The following TMEM217 variants were observed in gnomAD, a reference collection of about 807,000 sequenced individuals.
TMEM217 encodes transmembrane protein 217.
For synonymous variants in TMEM217, 76 were observed against 88.3 expected, an observed-to-expected ratio of 0.86 and a Z score of 0.78; for missense variants, 204 against 248.8, an observed-to-expected ratio of 0.82 and a Z score of 1.21.
downstream of TMEM217, among the ~76,000 whole-genome samples, chr6:37,214,635 C>G (rs1373051658): frequency 6.6e-6 from 1 of 152,194 alleles, no homozygotes; most frequent in Non-Finnish European, 1.5e-5. Context: ...TTCTTGCTGT[C>G]TCTATGAATT....
At position 37,247,334 on chromosome 6, in the gene TMEM217, G is replaced by C. The variant is rs371146083; in HGVS notation, c.-12+10234C>G. On this transcript the variant is annotated intron_variant, in intron 1 of 1. Coordinates refer to ENST00000357219, the Ensembl canonical transcript of TMEM217. ...GGTGACAGAAACACGAGTGGGGAAA[G>C]AGGTAGAAGTGATATAGGGGAAGGA... is the stretch of plus-strand genomic sequence containing the variant. 2.6e-5 allele frequency among the ~76,000 whole-genome samples: 4 copies of C among 151,908 alleles called. 1 individual carries two copies. The highest frequency in any genetic ancestry group is 2.6e-4 in the Admixed American group (4 of 15,254).
At chr6:37,243,806 T>C (rs1158082890) in intron 1 of TMEM217, among the ~76,000 whole-genome samples, 6 of 152,112 alleles carry the variant, frequency 3.9e-5, no homozygotes, top group African/African-American at 1.4e-4. Context: ...GACTAGGGAA[T>C]GGGTGGTGCT....
intron 1 of TMEM217, among the ~76,000 whole-genome samples, chr6:37,257,194 G>T (rs1389577639): frequency 6.6e-6 from 1 of 152,188 alleles, no homozygotes; most frequent in Non-Finnish European, 1.5e-5. Flanking sequence ...TAGATCATTT[G>T]AATTTTTAAC....
intron 1 of TMEM217, among the ~76,000 whole-genome samples, chr6:37,251,333 C>T (rs1275085826): frequency 6.6e-6 from 1 of 152,068 alleles, no homozygotes; most frequent in African/African-American, 2.4e-5. Context: ...GTTATAGCAG[C>T]CTGAATGGAC....
downstream of TMEM217, among the ~76,000 whole-genome samples, chr6:37,216,422 A>G (rs1051864132): frequency 5.9e-5 from 9 of 152,278 alleles, no homozygotes; most frequent in Admixed American, 1.3e-4. Context: ...TGTGAGGGCC[A>G]TGGGTCAGAA....
chr6:37,252,484 A>T (rs1254089426), intron 1 of TMEM217, among the ~76,000 whole-genome samples: 2 of 151,506 alleles, frequency 1.3e-5, no homozygotes, highest in African/African-American at 2.4e-5. Context: ...TACATAACAT[A>T]CATATACATG....
intron 1 of TMEM217, among the ~76,000 whole-genome samples, chr6:37,234,301 T>C (rs953636774): frequency 6.6e-6 from 1 of 152,156 alleles, no homozygotes; most frequent in Non-Finnish European, 1.5e-5. Context: ...GGTTTCTCCA[T>C]GTTGGCCAGG....
In TMEM217 at chr6:37,230,103, C is replaced by CT. The variant is rs142532646; in HGVS notation, c.-11-11063dup. Among the ~76,000 whole-genome samples the CT allele has an allele frequency of 6.4e-3, 981 of 152,354 alleles. 8 individuals carry two copies. The highest frequency in any genetic ancestry group is 0.021 in the African/African-American group (872 of 41,582). ...GGCTTCCAGAGGCCTCCTTCCAGGC[C>CT]TTGCTCCTGAGCTCTCAGAGCCAGC... On this transcript the variant is annotated intron_variant, in intron 1 of 1. Coordinates refer to ENST00000357219, the Ensembl canonical transcript of TMEM217.
At chr6:37,222,777 G>A (rs900860353) in intron 1 of TMEM217, among the ~76,000 whole-genome samples, 2 of 152,220 alleles carry the variant, frequency 1.3e-5, no homozygotes, top group African/African-American at 2.4e-5. Context: ...TGGTTTGGGC[G>A]GCTGCAGTAG....
exon 1 of TMEM217, chr6:37,257,664 G>T (rs1309082631): frequency 1.7e-5 from 9 of 520,738 alleles, no homozygotes; most frequent in African/African-American, 1.6e-4. Flanking sequence ...AGCCCCTGAC[G>T]TTACCGGTCG....
intron 1 of TMEM217, among the ~76,000 whole-genome samples, chr6:37,256,960 A>G (rs1765781132): frequency 6.6e-6 from 1 of 152,232 alleles, no homozygotes; most frequent in Admixed American, 6.5e-5. Flanking sequence ...TTGAAAATAA[A>G]TTCAAGGGTG....
At chr6:37,248,827 A>G (rs1444035855) in intron 1 of TMEM217, among the ~76,000 whole-genome samples, 1 of 152,232 alleles carries the variant, frequency 6.6e-6, no homozygotes, top group African/African-American at 2.4e-5. Flanking sequence ...GCAACAAATA[A>G]CAACAAACAT....
chr6:37,256,819 C>T (rs1004534831), intron 1 of TMEM217, among the ~76,000 whole-genome samples: 5 of 152,120 alleles, frequency 3.3e-5, no homozygotes, highest in African/African-American at 1.2e-4. Context: ...TGGACTGGTG[C>T]CCGCCTTCCC....
intron 1 of TMEM217, among the ~76,000 whole-genome samples, chr6:37,226,600 A>G (rs1763860033): frequency 6.7e-6 from 1 of 150,068 alleles, no homozygotes; most frequent in African/African-American, 2.5e-5. Flanking sequence ...CCCGGCCGAG[A>G]CAGAGTCTTG....
chr6:37,217,932 A>G (rs1763303584), exon 2 of TMEM217: 1 of 986,216 alleles, frequency 1.0e-6, no homozygotes, highest in Non-Finnish European at 1.2e-6. Flanking sequence ...TTGATAAATC[A>G]CAATATCCTT....
intron 1 of TMEM217, among the ~76,000 whole-genome samples, chr6:37,236,851 A>C (rs1323201608): frequency 6.6e-6 from 1 of 152,128 alleles, no homozygotes. Flanking sequence ...ACTTCTCCTC[A>C]AACTTTGTAG....
downstream of TMEM217, chr6:37,215,261 G>C: frequency 6.2e-7 from 1 of 1,613,752 alleles, no homozygotes; most frequent in Non-Finnish European, 8.5e-7. Context: ...GAGACAGACA[G>C]GTAAATATGC....
In TMEM217 at chr6:37,218,503, G is replaced by A. The variant is rs185156787; in HGVS notation, c.528C>T (p.His176=). Residue 176 remains histidine, a synonymous_variant, in exon 2 of 2, where the codon CAC becomes CAT. Coordinates refer to ENST00000357219, the Ensembl canonical transcript of TMEM217. ...AAATTGATAATCTTTTATTTCTGCTGTGGAGAATCTCCGCTGTAGAAATTC... is the reference window on the plus strand; with the variant it reads ...AAATTGATAATCTTTTATTTCTGCTATGGAGAATCTCCGCTGTAGAAATTC... 125 of 1,614,072 alleles carry A rather than the reference G, an allele frequency of 7.7e-5. No individual in the cohort carries two copies. In the Admixed American group the frequency reaches 1.6e-3, roughly 20 times the overall value.
At chr6:37,257,305 C>CG (rs1457421949) in intron 1 of TMEM217, among the ~76,000 whole-genome samples, 1 of 152,134 alleles carries the variant, frequency 6.6e-6, no homozygotes, top group Non-Finnish European at 1.5e-5. Context: ...CCCGGGCTAT[C>CG]GGGTCCCTGC....
Sources: allele counts gnomAD v4.1 joint callset (sites outside exome capture counted in the v4.1 genomes callset), GRCh38; gene constraint gnomAD v4.1.1; transcripts MANE v1.5; gene names NCBI Gene and HGNC (gene_info 2026-07-23, HGNC 2026-07-21).